The following NYAP2 variants were observed in gnomAD, a reference collection of about 807,000 sequenced individuals.
The protein encoded by NYAP2 is neuronal tyrosine-phosphorylated phosphoinositide-3-kinase adaptor 2.
A neutral mutation model predicts 50.4 loss-of-function variants in NYAP2; 23 were observed. That is an observed-to-expected ratio of 0.46 (90% CI 0.33 to 0.65). The LOEUF is 0.65. Ranked by LOEUF, NYAP2 falls within the 30% of genes least tolerant of loss-of-function variation. The pLI is 0.02. For missense variants in NYAP2, 885 were observed against 861.0 expected (o/e 1.03, Z -0.35); for synonymous variants, 394 against 365.2 (o/e 1.08, Z -0.90).
chr2:225,568,601 T>C (rs1217051199), intron 4 of NYAP2, among the ~76,000 whole-genome samples: 1 of 152,220 alleles, frequency 6.6e-6, no homozygotes, highest in Admixed American at 6.5e-5. Flanking sequence ...TGTGATATTC[T>C]AGTCACTTTA....
chr2:225,542,434 G>A (rs533076917), intron 4 of NYAP2, among the ~76,000 whole-genome samples: 235 of 152,184 alleles, frequency 1.5e-3, no homozygotes, highest in Non-Finnish European at 2.8e-3. Flanking sequence ...TTATGTTGAA[G>A]TATGTTCCTT....
At chr2:225,438,379 A>G (rs2106138870) in intron 3 of NYAP2, among the ~76,000 whole-genome samples, 1 of 152,366 alleles carries the variant, frequency 6.6e-6, no homozygotes, top group Non-Finnish European at 1.5e-5. Flanking sequence ...TTTATCAAAG[A>G]TAGACACATC....
At chr2:225,611,741 G>C (rs1215844129) in intron 5 of NYAP2, among the ~76,000 whole-genome samples, 1 of 151,860 alleles carries the variant, frequency 6.6e-6, no homozygotes, top group African/African-American at 2.4e-5. Flanking sequence ...AGAGGTCATG[G>C]TGTTTTAGTT....
intron 4 of NYAP2, among the ~76,000 whole-genome samples, chr2:225,546,150 G>A (rs1019878450): frequency 6.6e-6 from 1 of 152,096 alleles, no homozygotes; most frequent in Non-Finnish European, 1.5e-5. Context: ...GCAGAGAATT[G>A]AGTCTCTCCT....
intron 3 of NYAP2, among the ~76,000 whole-genome samples, chr2:225,471,581 C>T (rs1690012747): frequency 6.6e-6 from 1 of 152,170 alleles, no homozygotes; most frequent in Admixed American, 6.5e-5. Context: ...GGCAGCTACC[C>T]TATCCAAACA....
chr2:225,486,406 A>T (rs1034302345), intron 3 of NYAP2, among the ~76,000 whole-genome samples: 1 of 152,146 alleles, frequency 6.6e-6, no homozygotes, highest in Non-Finnish European at 1.5e-5. Context: ...TGTAGGAGGT[A>T]AATGTTCTAA....
At chr2:225,688,624 AAAAGG>A in the NYAP2 span, among the ~76,000 whole-genome samples, 208 of 152,320 alleles carry the variant, frequency 1.4e-3, 1 homozygote, top group African/African-American at 4.7e-3. Flanking sequence ...ACAGGTTAAA[AAAAGG>A]AAAGGTTAGG....
chr2:225,620,680 C>A (rs1472606205), intron 5 of NYAP2, among the ~76,000 whole-genome samples: 1 of 152,096 alleles, frequency 6.6e-6, no homozygotes, highest in Non-Finnish European at 1.5e-5. Context: ...TCTAAATACA[C>A]CTGCCTAAAA....
intron 4 of NYAP2, among the ~76,000 whole-genome samples, chr2:225,576,017 G>T (rs929892117): frequency 6.6e-6 from 1 of 152,210 alleles, no homozygotes; most frequent in African/African-American, 2.4e-5. Flanking sequence ...GGATTGAAAT[G>T]AACACTTCAA....
the NYAP2 span, among the ~76,000 whole-genome samples, chr2:225,678,564 C>T: frequency 6.6e-6 from 1 of 152,118 alleles, no homozygotes. Flanking sequence ...AAAGTTCTTT[C>T]AGTCCTTTTT....
intron 6 of NYAP2, among the ~76,000 whole-genome samples, chr2:225,648,671 G>T (rs1029413392): frequency 2.0e-5 from 3 of 152,168 alleles, no homozygotes; most frequent in Non-Finnish European, 2.9e-5. Context: ...AAATGGAGGT[G>T]ATGTTTCTAC....
intron 5 of NYAP2, among the ~76,000 whole-genome samples, chr2:225,621,600 A>C (rs920753801): frequency 6.6e-6 from 1 of 152,188 alleles, no homozygotes; most frequent in Non-Finnish European, 1.5e-5. Flanking sequence ...TGCACTTAAA[A>C]ATAGCTAAGA....
Position 225,582,510 on chromosome 2 carries a change from G to A in NYAP2, c.1093G>A (p.Val365Met). ...CCCTCTGGAGGTCACGAAGCTTCCC[G>A]TGCTGGAAAACGTGTCTTACATGAA... The change falls in exon 5 of 7, where the codon GTG (valine) becomes ATG (methionine). Residue 365 changes from valine (V) to methionine (M), a missense_variant. Physicochemically the swap from Val to Met is conservative, Grantham distance 21. Coordinates refer to ENST00000636099, the Ensembl canonical transcript of NYAP2. The surrounding 1 kb of genome is among the most constrained non-coding windows in gnomAD (Gnocchi z 7.0). 7.0e-7 allele frequency: 1 copy of A among 1,427,574 alleles called. No individual in the cohort carries two copies. Among genetic ancestry groups the A allele is most frequent in the Non-Finnish European group, 9.3e-7 (1 of 1,071,866 alleles). The allele number at this position is 1,427,574 out of a possible 1,614,324, so 88.4% of individuals were successfully genotyped here. A position where few individuals can be genotyped will look rare whatever the true frequency, so the allele number is the denominator to read the frequency against.
intron 5 of NYAP2, among the ~76,000 whole-genome samples, chr2:225,611,352 A>C (rs1692882024): frequency 6.6e-6 from 1 of 152,034 alleles, no homozygotes; most frequent in Non-Finnish European, 1.5e-5. Context: ...CTTTGCTCTC[A>C]AACTGAGCAA....
chr2:225,675,353 G>A, the NYAP2 span, among the ~76,000 whole-genome samples: 1 of 152,024 alleles, frequency 6.6e-6, no homozygotes, highest in Non-Finnish European at 1.5e-5. Context: ...ACATTCATGT[G>A]TAGTCACTGT....
chr2:225,583,318 C>G (rs1692333030), intron 5 of NYAP2, among the ~76,000 whole-genome samples: 1 of 151,930 alleles, frequency 6.6e-6, no homozygotes, highest in Admixed American at 6.6e-5. Flanking sequence ...TGCAATGGTC[C>G]TGGAAAGTTG....
intron 4 of NYAP2, among the ~76,000 whole-genome samples, chr2:225,561,705 G>A (rs1246621317): frequency 1.3e-5 from 2 of 152,058 alleles, no homozygotes; most frequent in Non-Finnish European, 2.9e-5. Flanking sequence ...TGGAGCCCAA[G>A]AGTAACAATT....
At chr2:225,588,113 A>T (rs1692420225) in intron 5 of NYAP2, among the ~76,000 whole-genome samples, 1 of 152,044 alleles carries the variant, frequency 6.6e-6, no homozygotes, top group African/African-American at 2.4e-5. Flanking sequence ...TTTAGTAGAG[A>T]TGGCGTTTCA....
chr2:225,446,173 T>C (rs1689551161), intron 3 of NYAP2, among the ~76,000 whole-genome samples: 1 of 147,248 alleles, frequency 6.8e-6, no homozygotes, highest in African/African-American at 2.5e-5. Context: ...AGACTGAGAC[T>C]CCATCTCTCT....
Sources: gnomAD v4.1 joint callset for allele counts (sites outside exome capture counted in the v4.1 genomes callset) on GRCh38, gnomAD v4.1.1 for gene constraint, Gnocchi (gnomAD v3.1) non-coding constraint, MANE v1.5 for transcripts, NCBI Gene and HGNC (gene_info 2026-07-23, HGNC 2026-07-21) for gene names.